The following KIF1A variants were observed in gnomAD, a reference collection of about 807,000 sequenced individuals.
KIF1A encodes kinesin family member 1A.
In KIF1A, 46 loss-of-function variants were observed where a neutral mutation model predicts 227.3. The observed-to-expected ratio is 0.20, with a 90% CI of 0.16 to 0.26. The LOEUF is 0.26. Ranked by LOEUF, KIF1A falls within the 10% of genes least tolerant of loss-of-function variation. The pLI is 1.00. For synonymous variants in KIF1A, 1,022 were observed against 1,012.8 expected (o/e 1.01, Z -0.17); for missense variants, 1,683 against 2,485.9 (o/e 0.68, Z 6.87).
At position 240,790,350 on chromosome 2, in the gene KIF1A, C is replaced by G. The variant is rs765420440; in HGVS notation, c.107-1038G>C. ...ATCAGCAAACCTGAAGAACGAAGCC[C>G]TCATGGCACCGTCCTATGCTTGGAG... On this transcript the variant is annotated intron_variant, in intron 2 of 48. Transcript: ENST00000498729. The surrounding 1 kb of genome is among the most constrained non-coding windows in gnomAD (Gnocchi z 5.0). 7.9e-5 allele frequency among the ~76,000 whole-genome samples: 12 copies of G among 151,998 alleles called. No individual in the cohort carries two copies. Among genetic ancestry groups the G allele is most frequent in the Non-Finnish European group, 1.6e-4 (11 of 68,018 alleles).
At chr2:240,816,348 G>C (rs1279026264) in intron 1 of KIF1A, among the ~76,000 whole-genome samples, 12 of 152,006 alleles carry the variant, frequency 7.9e-5, no homozygotes, top group Non-Finnish European at 1.6e-4. Flanking sequence ...GTCAGTGTGT[G>C]TGCAATGTGT....
intron 9 of KIF1A, among the ~76,000 whole-genome samples, 198 bp from the exon 10 acceptor site, chr2:240,782,805 G>A (rs1335335935): frequency 6.6e-6 from 1 of 152,106 alleles, no homozygotes; most frequent in Non-Finnish European, 1.5e-5. Context: ...TGGGCTGCCT[G>A]CTGCACGGGG....
chr2:240,818,070 C>G (rs2058456332), intron 1 of KIF1A, among the ~76,000 whole-genome samples: 1 of 152,172 alleles, frequency 6.6e-6, no homozygotes, highest in Non-Finnish European at 1.5e-5. Context: ...CCCAGGGGGG[C>G]AGCACCCGGC....
intron 20 of KIF1A, among the ~76,000 whole-genome samples, chr2:240,764,337 G>T (rs1055794754): frequency 2.0e-5 from 3 of 152,042 alleles, no homozygotes; most frequent in African/African-American, 7.2e-5. Context: ...CAGGCACCAG[G>T]GCCAACCCCA....
intron 10 of KIF1A, among the ~76,000 whole-genome samples, chr2:240,777,834 G>A (rs964783656): frequency 2.6e-5 from 4 of 152,156 alleles, no homozygotes; most frequent in Non-Finnish European, 4.4e-5. Context: ...CCAGTTCCTC[G>A]AAAACCCTCT....
chr2:240,738,754 T>C (rs1015945444), intron 37 of KIF1A, among the ~76,000 whole-genome samples: 1 of 152,200 alleles, frequency 6.6e-6, no homozygotes, highest in African/African-American at 2.4e-5. Flanking sequence ...GGGGAGAAGG[T>C]GGATCTGAGC....
intron 15 of KIF1A, 77 bp from the exon 16 acceptor site, chr2:240,769,783 GAGA>G: frequency 8.2e-7 from 1 of 1,217,104 alleles, no homozygotes; most frequent in Non-Finnish European, 1.2e-6. Context: ...CGGGTGCCAG[GAGA>G]AGGAGCTGCA....
intron 28 of KIF1A, chr2:240,748,751 A>C: frequency 4.2e-6 from 1 of 236,308 alleles, no homozygotes; most frequent in Non-Finnish European, 9.6e-6. Context: ...GTGGTATCAC[A>C]GTGACTGGAT....
chr2:240,794,761 C>T (rs2056178173), intron 2 of KIF1A, among the ~76,000 whole-genome samples: 1 of 152,202 alleles, frequency 6.6e-6, no homozygotes, highest in African/African-American at 2.4e-5. Context: ...CCCCAGCAAG[C>T]GGCCTGGGTG....
intron 31 of KIF1A, 105 bp downstream of exon 31, chr2:240,745,633 A>T: frequency 6.7e-7 from 1 of 1,503,116 alleles, no homozygotes; most frequent in Non-Finnish European, 9.1e-7. Flanking sequence ...GGGCTGGGCC[A>T]ACACAGCACC....
chr2:240,782,753 C>G, intron 9 of KIF1A, 146 bp from the exon 10 acceptor site: 1 of 876,360 alleles, frequency 1.1e-6, no homozygotes, highest in East Asian at 2.7e-5. Flanking sequence ...GCAGCTCCCC[C>G]AGGCAGGGTC....
chr2:240,736,967 T>C lies in KIF1A; in HGVS notation c.4007+96A>G, dbSNP rs924771175. 16 of 998,232 alleles carry C rather than the reference T, an allele frequency of 1.6e-5. No individual in the cohort carries two copies. Among genetic ancestry groups the C allele is most frequent in the Non-Finnish European group, 2.5e-5 (16 of 631,170 alleles). 61.8% of individuals were successfully genotyped at this position (998,232 alleles called of 1,614,324 possible). A position where few individuals can be genotyped will look rare whatever the true frequency, so the allele number is the denominator to read the frequency against. ...GAGGGCCGGGAGAGCGTTGAGCGGG[T>C]CACCTTGTGTGGCTGAACCCTGTGC... is the stretch of plus-strand genomic sequence containing the variant. On this transcript the variant is annotated intron_variant, in intron 38 of 48. Transcript: ENST00000498729. This position sits in a 1 kb window ranked among gnomAD's most constrained non-coding sequence, Gnocchi z 4.7.
intron 22 of KIF1A, 50 bp from the exon 23 acceptor site, chr2:240,762,862 C>T: frequency 1.3e-6 from 2 of 1,513,748 alleles, no homozygotes; most frequent in South Asian, 2.4e-5. Context: ...CTGCCTGGGC[C>T]TCTCACACTG....
intron 1 of KIF1A, among the ~76,000 whole-genome samples, chr2:240,817,150 C>T (rs1004113986): frequency 7.2e-5 from 11 of 152,218 alleles, no homozygotes; most frequent in African/African-American, 1.7e-4. Flanking sequence ...GGCCTATGGC[C>T]GGAGGCCACC....
intron 15 of KIF1A, among the ~76,000 whole-genome samples, chr2:240,770,239 C>G (rs1238219836): frequency 3.3e-5 from 5 of 152,184 alleles, no homozygotes; most frequent in Non-Finnish European, 7.3e-5. Flanking sequence ...CTCACCTGCC[C>G]CTGCACAGCC....
At chr2:240,719,628 T>C in intron 46 of KIF1A, 146 bp downstream of exon 46, 1 of 980,006 alleles carries the variant, frequency 1.0e-6, no homozygotes, top group Non-Finnish European at 1.5e-6. Context: ...GCAGCCTGCC[T>C]GAACCTCCAG....
chr2:240,790,360 C>T lies in KIF1A; in HGVS notation c.107-1048G>A, dbSNP rs1018490673. On this transcript the variant is annotated intron_variant, in intron 2 of 48. Coordinates refer to ENST00000498729, the MANE Select transcript of KIF1A (RefSeq NM_001244008.2). This position sits in a 1 kb window ranked among gnomAD's most constrained non-coding sequence, Gnocchi z 5.0. ...CTGAAGAACGAAGCCCTCATGGCAC[C>T]GTCCTATGCTTGGAGATGAAGGCTG... 7.9e-5 allele frequency among the ~76,000 whole-genome samples: 12 copies of T among 151,880 alleles called. No individual in the cohort carries two copies. The highest frequency in any genetic ancestry group is 3.9e-4 in the Admixed American group (6 of 15,264).
At chr2:240,803,397 G>C (rs1012501822) in intron 1 of KIF1A, among the ~76,000 whole-genome samples, 2 of 152,208 alleles carry the variant, frequency 1.3e-5, no homozygotes, top group Non-Finnish European at 2.9e-5. Flanking sequence ...GGTCACCAAG[G>C]CTTGCCTTGG....
chr2:240,727,280 G>C (rs931565771), intron 38 of KIF1A, among the ~76,000 whole-genome samples: 2 of 152,200 alleles, frequency 1.3e-5, no homozygotes, highest in African/African-American at 4.8e-5. Flanking sequence ...GAGGGAGGCA[G>C]GACAGGGAGC....
Sources: gnomAD v4.1 joint callset for allele counts (sites outside exome capture counted in the v4.1 genomes callset) on GRCh38, gnomAD v4.1.1 for gene constraint, Gnocchi (gnomAD v3.1) non-coding constraint, MANE v1.5 for transcripts, NCBI Gene and HGNC (gene_info 2026-07-23, HGNC 2026-07-21) for gene names.